ARRDC1: variants seen among roughly 807,000 people sequenced by gnomAD.
ARRDC1 encodes the protein arrestin domain containing 1.
A neutral mutation model predicts 40.1 loss-of-function variants in ARRDC1; 37 were observed. The ratio of observed to expected loss-of-function variants is 0.92; its 90% CI spans 0.71 to 1.21. The LOEUF is 1.21. Ranked by LOEUF, ARRDC1 falls within the 50% of genes most tolerant of loss-of-function variation. ARRDC1 has a pLI of 0.00. For missense variants in ARRDC1, 641 were observed against 581.9 expected, an observed-to-expected ratio of 1.10 and a Z score of -1.04; for synonymous variants, 310 against 262.5, an observed-to-expected ratio of 1.18 and a Z score of -1.75.
intron 1 of ARRDC1, among the ~76,000 whole-genome samples, chr9:137,609,671 C>T (rs1354229509): frequency 1.3e-5 from 2 of 152,186 alleles, no homozygotes; most frequent in South Asian, 2.1e-4. Flanking sequence ...ACCAGGGGCA[C>T]GCGCCACCAC....
In ARRDC1 at chr9:137,614,358, G is replaced by A. The variant is rs746057669; in HGVS notation, c.678G>A (p.Glu226=). 1 of 1,612,978 alleles carries A rather than the reference G, an allele frequency of 6.2e-7. No individual in the cohort carries two copies. The highest frequency in any genetic ancestry group is 8.5e-7 in the Non-Finnish European group (1 of 1,179,572). Residue 226 remains glutamate, a synonymous_variant, in exon 6 of 8, where the codon GAG becomes GAA. Transcript: ENST00000371421. ...IHDVRTIAEV[E]GAGVKAWRRA... Reference sequence around the variant, plus strand: ...ACGTACGGACCATTGCGGAGGTGGAGGGTGCGGGCGTCAAGGCCTGGCGGC... The same window carrying A: ...ACGTACGGACCATTGCGGAGGTGGAAGGTGCGGGCGTCAAGGCCTGGCGGC...
chr9:137,614,462 A>C lies in ARRDC1; in HGVS notation c.782A>C (p.Asp261Ala). The change falls in exon 6 of 8, where the codon GAC (aspartate) becomes GCC (alanine). Residue 261 changes from aspartate (D) to alanine (A), a missense_variant. Asp to Ala is a moderately radical substitution (Grantham distance 126). Coordinates refer to ENST00000371421, the MANE Select transcript of ARRDC1 (RefSeq NM_152285.4). ...ALPGCSLIHI[D>A]YYLQVSLKAP... ...CCGGGCTGCAGCCTCATCCACATCG[A>C]CTACTACTTACAGGTTTGGTGCTGC... The C allele has an allele frequency of 6.2e-7, 1 of 1,613,258 alleles. No individual in the cohort carries two copies. The highest frequency in any genetic ancestry group is 8.5e-7 in the Non-Finnish European group (1 of 1,179,914).
Position 137,614,942 on chromosome 9 carries a change from G to A in ARRDC1, c.1179G>A (p.Val393=). The change falls in exon 7 of 8, where the codon GTG becomes GTA. Residue 393 remains valine (V), a synonymous_variant. Coordinates refer to ENST00000371421, the MANE Select transcript of ARRDC1 (RefSeq NM_152285.4). ...TTGCAGAGGGCTCCGGGGGGCCAGT[G>A]CCCACTACCAGCACCTTGATTCTTC... ...PYFAEGSGGP[V]PTTSTLILPP... is the part of the protein sequence containing the mutation. The A allele has an allele frequency of 1.9e-6, 3 of 1,613,868 alleles. No homozygotes were observed. The highest frequency in any genetic ancestry group is 2.5e-6 in the Non-Finnish European group (3 of 1,179,974).
At chr9:137,615,028 G>C in intron 7 of ARRDC1, 28 bp downstream of exon 7, 1 of 1,612,360 alleles carries the variant, frequency 6.2e-7, no homozygotes, top group South Asian at 1.1e-5. Flanking sequence ...GCTTGGCAGG[G>C]AGGGGACGCC....
In ARRDC1 at chr9:137,613,375, C is replaced by T. The variant is rs1340514058; in HGVS notation, c.230-85C>T. On this transcript the variant is annotated intron_variant, in intron 2 of 7. Coordinates refer to ENST00000371421, the MANE Select transcript of ARRDC1 (RefSeq NM_152285.4). ...AGACCCAGTGTGAGCTGGTCAGCTGCAGTGCCCACTCTTATCCTGGCCCTG... is the reference window on the plus strand; with the variant it reads ...AGACCCAGTGTGAGCTGGTCAGCTGTAGTGCCCACTCTTATCCTGGCCCTG... 19 of 1,445,704 alleles carry T rather than the reference C, an allele frequency of 1.3e-5. No homozygotes were observed. The South Asian group carries it at 1.4e-4, about 11-fold the overall frequency. The allele number at this position is 1,445,704 out of a possible 1,614,324, so 89.6% of individuals were successfully genotyped here. A position where few individuals can be genotyped will look rare whatever the true frequency, so the allele number is the denominator to read the frequency against.
At chr9:137,613,575 G>C in intron 3 of ARRDC1, 40 bp from the exon 4 acceptor site, 2 of 1,614,116 alleles carry the variant, frequency 1.2e-6, no homozygotes, top group Non-Finnish European at 1.7e-6. Flanking sequence ...GCTCTGCAGG[G>C]TGGAAGGCAG....
chr9:137,612,801 G>A, intron 1 of ARRDC1, 95 bp from the exon 2 acceptor site: 1 of 906,466 alleles, frequency 1.1e-6, no homozygotes, highest in Non-Finnish European at 1.8e-6. Flanking sequence ...TGCCCAGGTG[G>A]TGCTGCTTGG....
chr9:137,614,738 C>A lies in ARRDC1; in HGVS notation c.975C>A (p.Gly325=). 1 of 1,608,098 alleles carries A rather than the reference C, an allele frequency of 6.2e-7. No individual in the cohort carries two copies. The highest frequency in any genetic ancestry group is 8.5e-7 in the Non-Finnish European group (1 of 1,177,492). ...CTGAGGCTGAGGCTGCGGCTGGCGG[C>A]CCCCACTTCTTGGACCCCGTCTTCC... The part of the protein sequence containing the change: ...EEAEAEAAAG[G]PHFLDPVFLS... The change falls in exon 7 of 8, where the codon GGC becomes GGA. Residue 325 remains glycine, a synonymous_variant. Coordinates refer to ENST00000371421, the MANE Select transcript of ARRDC1 (RefSeq NM_152285.4).
chr9:137,609,095 G>GAATTC (rs1375118248), intron 1 of ARRDC1, among the ~76,000 whole-genome samples: 1 of 152,146 alleles, frequency 6.6e-6, no homozygotes, highest in East Asian at 1.9e-4. Context: ...ATTCTAAGCG[G>GAATTC]AATTCTGGGT....
At chr9:137,609,939 G>T (rs1200565845) in intron 1 of ARRDC1, among the ~76,000 whole-genome samples, 1 of 151,858 alleles carries the variant, frequency 6.6e-6, no homozygotes, top group African/African-American at 2.4e-5. Flanking sequence ...TCAGCCTCCT[G>T]AGTAGCTGGG....
At chr9:137,608,270 C>T (rs895915012) in intron 1 of ARRDC1, among the ~76,000 whole-genome samples, 6 of 152,194 alleles carry the variant, frequency 3.9e-5, no homozygotes, top group African/African-American at 9.7e-5. Flanking sequence ...CGTGAGCCAC[C>T]GTGCCTGGCC....
chr9:137,614,476 G>T lies in ARRDC1; in HGVS notation c.795+1G>T. 6.2e-7 allele frequency: 1 copy of T among 1,613,316 alleles called. No homozygotes were observed. The highest frequency in any genetic ancestry group is 8.5e-7 in the Non-Finnish European group (1 of 1,179,952). ...CATCCACATCGACTACTACTTACAG[G>T]TTTGGTGCTGCTGGGGGCTGGGTGG... On this transcript the variant is annotated splice_donor_variant, in intron 6 of 7. Coordinates refer to ENST00000371421, the MANE Select transcript of ARRDC1 (RefSeq NM_152285.4). LOFTEE classifies it high-confidence loss of function.
At position 137,612,888 on chromosome 9, in the gene ARRDC1, CTTTGCAGCCATCCGG is replaced by C. The variant is rs1386841183; in HGVS notation, c.119-7_126del. ...TGGCTGGGGCTCATGCAGCCATCCC[CTTTGCAGCCATCCGG>C]GTGACCTGCATAGGTTCCTGCGGGG... On this transcript the variant is annotated splice_acceptor_variant and splice_polypyrimidine_tract_variant and coding_sequence_variant and intron_variant, in exon 2 of 8. Coordinates refer to ENST00000371421, the MANE Select transcript of ARRDC1 (RefSeq NM_152285.4). LOFTEE classifies it high-confidence loss of function. 6.2e-7 allele frequency: 1 copy of C among 1,610,848 alleles called. No individual in the cohort carries two copies. The highest frequency in any genetic ancestry group is 1.1e-5 in the South Asian group (1 of 90,884).
At chr9:137,613,066 C>T (rs563905323) in intron 2 of ARRDC1, 60 bp downstream of exon 2, 40 of 1,215,110 alleles carry the variant, frequency 3.3e-5, no homozygotes, top group Admixed American at 1.5e-4. Context: ...GGAGTGGGGC[C>T]TGTCTGTCCT....
At chr9:137,612,808 T>C (rs989006555) in intron 1 of ARRDC1, 88 bp from the exon 2 acceptor site, 4 of 1,008,252 alleles carry the variant, frequency 4.0e-6, no homozygotes, top group Non-Finnish European at 6.1e-6. Flanking sequence ...GTGGTGCTGC[T>C]TGGCCCCAGG....
In ARRDC1 at chr9:137,614,133, G is replaced by A. The variant is rs1842604692; in HGVS notation, c.537G>A (p.Val179=). ...TASTDLRGYV[V]GQALQLHADV... ...GCACTGATCTCCGCGGCTATGTGGT[G>A]GGGCAGGCACTGCAGCTGCATGCCG... Residue 179 remains valine, a synonymous_variant, in exon 5 of 8, where the codon GTG becomes GTA. Coordinates refer to ENST00000371421, the MANE Select transcript of ARRDC1 (RefSeq NM_152285.4). 6.2e-7 allele frequency: 1 copy of A among 1,613,488 alleles called. No individual in the cohort carries two copies.
chr9:137,613,126 T>G (rs750056273), intron 2 of ARRDC1, 120 bp downstream of exon 2: 5 of 880,342 alleles, frequency 5.7e-6, no homozygotes, highest in Non-Finnish European at 5.6e-6. Context: ...CTGGCCCATC[T>G]TGTCCCAGGG....
chr9:137,605,863 T>G (rs2133322291), intron 1 of ARRDC1, 28 bp downstream of exon 1: 2 of 1,205,694 alleles, frequency 1.7e-6, no homozygotes, highest in Non-Finnish European at 1.0e-6. Context: ...GGGAGGGCCT[T>G]TGGCCGCACC....
chr9:137,612,661 G>T, intron 1 of ARRDC1: 1 of 485,860 alleles, frequency 2.1e-6, no homozygotes, highest in Non-Finnish European at 3.7e-6. Context: ...CTGGATTGCA[G>T]GGCAGACGTC....
Sources: gnomAD v4.1 joint callset for allele counts (sites outside exome capture counted in the v4.1 genomes callset) on GRCh38, gnomAD v4.1.1 for gene constraint, MANE v1.5 for transcripts, NCBI Gene and HGNC (gene_info 2026-07-23, HGNC 2026-07-21) for gene names.